RFTN1: variants seen among roughly 807,000 people sequenced by gnomAD.
The protein encoded by RFTN1 is raftlin, lipid raft linker 1.
A neutral mutation model predicts 46.5 loss-of-function variants in RFTN1; 26 were observed. That is an observed-to-expected ratio of 0.56 (90% CI 0.41 to 0.78). The LOEUF is 0.78. Among genes scored for constraint, RFTN1 ranks in the 30% least tolerant of loss-of-function variants. The probability of loss-of-function intolerance (pLI) is 0.00; values close to 1 mark genes in which losing one functional copy is unlikely to be tolerated. For synonymous variants in RFTN1, 261 were observed against 284.2 expected (o/e 0.92, Z 0.82); for missense variants, 693 against 718.7 (o/e 0.96, Z 0.41).
At chr3:16,439,384 G>A (rs2075579058) in intron 2 of RFTN1, among the ~76,000 whole-genome samples, 1 of 152,132 alleles carries the variant, frequency 6.6e-6, no homozygotes, top group South Asian at 2.1e-4. Flanking sequence ...ATTTTGTTTT[G>A]TAATAGTTGC....
Position 16,383,813 on chromosome 3 carries a change from G to A in RFTN1, c.442-5711C>T, listed in dbSNP as rs912511290. ...TCCTGCTCACAGGTCAATAGGGATT[G>A]GAGTGTCCACAGCCTGTAGTAGATA... On this transcript the variant is annotated intron_variant, in intron 4 of 9. Transcript: ENST00000334133. This position sits in a 1 kb window ranked among gnomAD's most constrained non-coding sequence, Gnocchi z 4.0. 2.6e-5 allele frequency among the ~76,000 whole-genome samples: 4 copies of A among 152,138 alleles called. No individual in the cohort carries two copies. The highest frequency in any genetic ancestry group is 9.7e-5 in the African/African-American group (4 of 41,406).
In RFTN1 at chr3:16,465,491, C is replaced by G. The variant is rs1303822386; in HGVS notation, c.145+28234G>C. On this transcript the variant is annotated intron_variant, in intron 2 of 9. Coordinates refer to ENST00000334133, the MANE Select transcript of RFTN1 (RefSeq NM_015150.2). This position sits in a 1 kb window ranked among gnomAD's most constrained non-coding sequence, Gnocchi z 5.1. ...ATTAAACAAAATAATTTTTAAAAAT[C>G]CAAAATCCAATACAGTTCGAAACTT... Among the ~76,000 whole-genome samples, 1 of 150,972 alleles carries G rather than the reference C, an allele frequency of 6.6e-6. No individual in the cohort carries two copies. The highest frequency in any genetic ancestry group is 1.5e-5 in the Non-Finnish European group (1 of 67,792).
intron 5 of RFTN1, among the ~76,000 whole-genome samples, chr3:16,377,152 T>C (rs937495791): frequency 8.6e-5 from 13 of 151,944 alleles, no homozygotes; most frequent in African/African-American, 3.1e-4. Flanking sequence ...CCTGTAAATC[T>C]TATTAAGGGC....
rs1263875989 is a variant in RFTN1 at position 16,413,101 on chromosome 3, T to C, written c.333-3618A>G. On this transcript the variant is annotated intron_variant, in intron 3 of 9. Transcript: ENST00000334133. This position sits in a 1 kb window ranked among gnomAD's most constrained non-coding sequence, Gnocchi z 4.7. ...TCATTTATTACAGAGCATAGAAAAC[T>C]AATACCAAAAAAAGAAAACAGAAAA... Among the ~76,000 whole-genome samples the C allele has an allele frequency of 1.3e-5, 2 of 152,086 alleles. No homozygotes were observed. Among genetic ancestry groups the C allele is most frequent in the African/African-American group, 2.4e-5 (1 of 41,388 alleles).
chr3:16,419,410 G>A (rs1320993076), intron 3 of RFTN1, among the ~76,000 whole-genome samples: 2 of 152,194 alleles, frequency 1.3e-5, no homozygotes, highest in African/African-American at 4.8e-5. Context: ...GTATGATGTA[G>A]GAAGGGGGGA....
chr3:16,357,834 A>G lies in RFTN1; in HGVS notation c.1146+98T>C, dbSNP rs575654620. The G allele has an allele frequency of 1.4e-4, 108 of 754,464 alleles. 3 individuals are homozygous for G. In the South Asian group the frequency reaches 1.7e-3, roughly 12 times the overall value. 46.7% of individuals were successfully genotyped at this position (754,464 alleles called of 1,614,324 possible). ...CCAGGTCAACTCCCTCTCAGAAGAA[A>G]GCCACAGCTGAGCCACAGCCCCACG... On this transcript the variant is annotated intron_variant, in intron 7 of 9. Transcript: ENST00000334133.
chr3:16,389,846 C>A (rs577253430), intron 4 of RFTN1, among the ~76,000 whole-genome samples: 57 of 152,334 alleles, frequency 3.7e-4, no homozygotes, highest in Non-Finnish European at 6.2e-4. Flanking sequence ...ACGGCCTCAA[C>A]CAATGAGTAG....
In RFTN1 at chr3:16,499,865, G is replaced by A. The variant is rs1039395415; in HGVS notation, c.-8-5988C>T. On this transcript the variant is annotated intron_variant, in intron 1 of 9. Coordinates refer to ENST00000334133, the MANE Select transcript of RFTN1 (RefSeq NM_015150.2). The surrounding 1 kb of genome is among the most constrained non-coding windows in gnomAD (Gnocchi z 4.9). ...TGTAGAGGTTTTTATATGGACATAA[G>A]TTTTCACTTCTCTAGGGTAAATACC... Among the ~76,000 whole-genome samples, 1 of 152,178 alleles carries A rather than the reference G, an allele frequency of 6.6e-6. No individual in the cohort carries two copies. Among genetic ancestry groups the A allele is most frequent in the Non-Finnish European group, 1.5e-5 (1 of 68,040 alleles).
At chr3:16,487,398 A>G (rs1457200056) in intron 2 of RFTN1, among the ~76,000 whole-genome samples, 2 of 152,252 alleles carry the variant, frequency 1.3e-5, no homozygotes, top group African/African-American at 2.4e-5. Flanking sequence ...CCTCTCTTGA[A>G]AACAGACTAG....
At chr3:16,360,378 C>G (rs1442789405) in intron 6 of RFTN1, among the ~76,000 whole-genome samples, 1 of 152,176 alleles carries the variant, frequency 6.6e-6, no homozygotes, top group Admixed American at 6.5e-5. Context: ...CTATGTTTCT[C>G]AGGCTAGTTT....
chr3:16,322,631 C>T lies in RFTN1; in HGVS notation c.1332+745G>A, dbSNP rs2069196777. 6.6e-6 allele frequency among the ~76,000 whole-genome samples: 1 copy of T among 152,204 alleles called. No individual in the cohort carries two copies. Among genetic ancestry groups the T allele is most frequent in the Admixed American group, 6.5e-5 (1 of 15,280 alleles). ...TCCTCAGGAAAAGCACCACAGGCTG[C>T]TCAGGGTGGGGTGGGAAGCATCAGA... is the stretch of plus-strand genomic sequence containing the variant. On this transcript the variant is annotated intron_variant, in intron 9 of 9. Transcript: ENST00000334133. The surrounding 1 kb of genome is among the most constrained non-coding windows in gnomAD (Gnocchi z 6.2).
chr3:16,371,427 A>C (rs1367252022), intron 5 of RFTN1, among the ~76,000 whole-genome samples: 1 of 152,200 alleles, frequency 6.6e-6, no homozygotes, highest in African/African-American at 2.4e-5. Context: ...AGAAAAAGGA[A>C]ACTTTGTTTC....
rs529448319 is a variant in RFTN1, at chr3:16,361,788, G to A, written c.1031-3741C>T. Among the ~76,000 whole-genome samples the A allele has an allele frequency of 2.6e-5, 4 of 152,332 alleles. No individual in the cohort carries two copies. Among genetic ancestry groups the A allele is most frequent in the East Asian group, 1.9e-4 (1 of 5,186 alleles). On this transcript the variant is annotated intron_variant, in intron 6 of 9. Coordinates refer to ENST00000334133, the MANE Select transcript of RFTN1 (RefSeq NM_015150.2). The surrounding 1 kb of genome is among the most constrained non-coding windows in gnomAD (Gnocchi z 4.3). Reference sequence around the variant, plus strand: ...GCAGAGACATAAAAAGCACGTGTGTGGTTGAACTTGGCCTCTTGTGTCTTG... The same window carrying A: ...GCAGAGACATAAAAAGCACGTGTGTAGTTGAACTTGGCCTCTTGTGTCTTG...
chr3:16,501,463 A>G (rs1273431148), intron 1 of RFTN1, among the ~76,000 whole-genome samples: 2 of 152,214 alleles, frequency 1.3e-5, no homozygotes, highest in Non-Finnish European at 2.9e-5. Context: ...ATGCAGTTAT[A>G]TTTTCAAATA....
chr3:16,415,430 TACACACACACAC>T (rs1553589390), intron 3 of RFTN1, among the ~76,000 whole-genome samples: 34 of 114,216 alleles, frequency 3.0e-4, no homozygotes, highest in South Asian at 8.8e-4. Flanking sequence ...TATATATATA[TACACACACACAC>T]ACACATATAT....
chr3:16,317,019 T>C lies in RFTN1; in HGVS notation c.1546A>G (p.Lys516Glu), dbSNP rs777837812. 6.2e-7 allele frequency: 1 copy of C among 1,613,974 alleles called. No individual in the cohort carries two copies. The highest frequency in any genetic ancestry group is 1.1e-5 in the South Asian group (1 of 91,074). ...CCACCAGGGGACAGCTGTTCTCCCT[T>C]GTCCTCTTGGACAGGGCCCTTCATC... ...EEMKGPVQED[K>E]GEQLSPGGLL... Residue 516 changes from lysine to glutamate, a missense_variant, in exon 10 of 10, where the codon AAG becomes GAG. Coordinates refer to ENST00000334133, the MANE Select transcript of RFTN1 (RefSeq NM_015150.2). The surrounding 1 kb of genome is among the most constrained non-coding windows in gnomAD (Gnocchi z 4.3).
chr3:16,332,839 C>T (rs1394982437), intron 7 of RFTN1, among the ~76,000 whole-genome samples: 2 of 36,628 alleles, frequency 5.5e-5, no homozygotes. Flanking sequence ...ATCGATTTAT[C>T]TACCTACCTA....
chr3:16,470,109 C>T (rs901312630), intron 2 of RFTN1, among the ~76,000 whole-genome samples: 2 of 152,092 alleles, frequency 1.3e-5, no homozygotes, highest in African/African-American at 2.4e-5. Context: ...TTTCTCTGGG[C>T]CTTCATTTGT....
chr3:16,441,384 T>C (rs1175918401), intron 2 of RFTN1, among the ~76,000 whole-genome samples: 2 of 149,280 alleles, frequency 1.3e-5, no homozygotes, highest in Non-Finnish European at 3.0e-5. Flanking sequence ...TTCTTAACAC[T>C]CCTGGGATAA....
Sources: gnomAD v4.1 joint callset for allele counts (sites outside exome capture counted in the v4.1 genomes callset) on GRCh38, gnomAD v4.1.1 for gene constraint, Gnocchi (gnomAD v3.1) non-coding constraint, MANE v1.5 for transcripts, NCBI Gene and HGNC (gene_info 2026-07-23, HGNC 2026-07-21) for gene names.